Variants in MARCHF1 observed in about 807,000 individuals in gnomAD.
The protein encoded by MARCHF1 is E3 ubiquitin-protein ligase MARCHF1.
A neutral mutation model predicts 54.2 loss-of-function variants in MARCHF1; 40 were observed. The observed-to-expected ratio is 0.74, with a 90% confidence interval of 0.57 to 0.96. MARCHF1 has a LOEUF of 0.96. Among genes scored for constraint, MARCHF1 ranks in the 40% least tolerant of loss-of-function variants. The pLI is 0.00. For synonymous variants in MARCHF1, 236 were observed against 236.3 expected (o/e 1.00, Z 0.01); for missense variants, 586 against 656.5 (o/e 0.89, Z 1.17).
chr4:163,874,123 A>T (rs1362627471), intron 3 of MARCHF1, among the ~76,000 whole-genome samples: 2 of 152,220 alleles, frequency 1.3e-5, no homozygotes, highest in Non-Finnish European at 2.9e-5. Flanking sequence ...AGCAAAAGAG[A>T]TAGAGGCACT....
intron 3 of MARCHF1, among the ~76,000 whole-genome samples, chr4:163,925,429 A>C (rs1252631158): frequency 6.6e-6 from 1 of 151,846 alleles, no homozygotes; most frequent in Non-Finnish European, 1.5e-5. Context: ...CTCTAGCTTT[A>C]ATTACTGTTA....
chr4:163,953,892 G>T (rs2110789932), intron 3 of MARCHF1, among the ~76,000 whole-genome samples: 1 of 152,246 alleles, frequency 6.6e-6, no homozygotes. Flanking sequence ...AAGGGTGAAT[G>T]AGACACAGAA....
At chr4:163,617,019 A>G (rs1358807683) in intron 5 of MARCHF1, among the ~76,000 whole-genome samples, 1 of 152,180 alleles carries the variant, frequency 6.6e-6, no homozygotes, top group African/African-American at 2.4e-5. Context: ...GGTCATCAGC[A>G]GATGAATGGA....
intron 1 of MARCHF1, chr4:164,188,518 C>A: frequency 1.4e-6 from 1 of 699,532 alleles, no homozygotes. Flanking sequence ...TGTTCAAGAC[C>A]GGCTGCGTGG....
intron 1 of MARCHF1, among the ~76,000 whole-genome samples, chr4:164,246,849 A>G (rs983621237): frequency 1.5e-5 from 2 of 130,270 alleles, no homozygotes; most frequent in Non-Finnish European, 1.6e-5. Context: ...CAAAAAACAC[A>G]TGAAAAAATG....
chr4:163,630,563 A>ATC (rs1396395594), intron 5 of MARCHF1, among the ~76,000 whole-genome samples: 1 of 152,222 alleles, frequency 6.6e-6, no homozygotes, highest in African/African-American at 2.4e-5. Flanking sequence ...CTATTGTCCT[A>ATC]TCCATTCTAC....
chr4:163,708,022 C>T (rs951612623), intron 4 of MARCHF1, among the ~76,000 whole-genome samples: 1 of 151,800 alleles, frequency 6.6e-6, no homozygotes, highest in South Asian at 2.1e-4. Flanking sequence ...TTTGCTCCAT[C>T]TATTTGATTT....
intron 2 of MARCHF1, among the ~76,000 whole-genome samples, chr4:164,007,730 A>T (rs1399410764): frequency 6.6e-6 from 1 of 151,576 alleles, no homozygotes; most frequent in Non-Finnish European, 1.5e-5. Context: ...GTGATCTAAG[A>T]TAAGTTGTCA....
At chr4:163,598,896 T>G (rs1008500820) in intron 7 of MARCHF1, among the ~76,000 whole-genome samples, 4 of 152,242 alleles carry the variant, frequency 2.6e-5, no homozygotes, top group African/African-American at 9.6e-5. Flanking sequence ...TTTAAACTTT[T>G]CGACTCTTTT....
At position 163,867,255 on chromosome 4, in the gene MARCHF1, T is replaced by G. The variant is rs1346818936; in HGVS notation, c.-38-13086A>C. Among the ~76,000 whole-genome samples the G allele has an allele frequency of 2.6e-5, 4 of 151,910 alleles. No homozygotes were observed. The East Asian group carries it at 7.7e-4, about 29-fold the overall frequency. On this transcript the variant is annotated intron_variant, in intron 3 of 9. Coordinates refer to ENST00000514618, the MANE Select transcript of MARCHF1 (RefSeq NM_001394959.1). ...AATCCCTCTCTTCCTTCTTCATCCA[T>G]TTTTTAAACTATGATATTTACATAA...
chr4:163,646,355 C>A (rs1326723719), intron 5 of MARCHF1, among the ~76,000 whole-genome samples: 2 of 151,934 alleles, frequency 1.3e-5, no homozygotes, highest in African/African-American at 2.4e-5. Flanking sequence ...GTGTTCATTA[C>A]CATTATATTT....
chr4:164,238,067 A>C (rs1009693694), intron 1 of MARCHF1, among the ~76,000 whole-genome samples: 4 of 152,108 alleles, frequency 2.6e-5, no homozygotes, highest in Non-Finnish European at 4.4e-5. Flanking sequence ...CACTAAAAGG[A>C]AATACTCCAT....
At chr4:164,175,310 G>T (rs918347499) in intron 1 of MARCHF1, among the ~76,000 whole-genome samples, 1 of 152,088 alleles carries the variant, frequency 6.6e-6, no homozygotes, top group Non-Finnish European at 1.5e-5. Flanking sequence ...AGCCTTCAGG[G>T]TATAAATCTA....
chr4:164,089,168 C>T (rs757048045), intron 2 of MARCHF1, among the ~76,000 whole-genome samples: 28 of 152,026 alleles, frequency 1.8e-4, no homozygotes, highest in African/African-American at 3.1e-4. Context: ...GTATTTTTCT[C>T]GAGAAAGAAT....
At chr4:163,637,557 C>A (rs1451883547) in intron 5 of MARCHF1, among the ~76,000 whole-genome samples, 1 of 151,602 alleles carries the variant, frequency 6.6e-6, no homozygotes, top group Non-Finnish European at 1.5e-5. Context: ...CATCTCACAC[C>A]AGTTAGAATG....
intron 1 of MARCHF1, among the ~76,000 whole-genome samples, chr4:164,185,552 C>A (rs1055045578): frequency 8.6e-5 from 13 of 152,032 alleles, no homozygotes; most frequent in African/African-American, 3.1e-4. Context: ...TGTTGAAGAG[C>A]AATATATTTC....
At chr4:163,735,529 G>C (rs1038900432) in intron 4 of MARCHF1, among the ~76,000 whole-genome samples, 2 of 152,174 alleles carry the variant, frequency 1.3e-5, no homozygotes, top group African/African-American at 4.8e-5. Context: ...AGTTAAAGAG[G>C]CTAGGAAGTC....
intron 5 of MARCHF1, among the ~76,000 whole-genome samples, chr4:163,686,758 T>C (rs987059184): frequency 2.6e-5 from 4 of 152,084 alleles, no homozygotes; most frequent in African/African-American, 7.2e-5. Context: ...AAAAATGTTC[T>C]TTTAAACAGT....
chr4:164,196,399 TAATA>T (rs1456121629), intron 1 of MARCHF1, among the ~76,000 whole-genome samples: 1 of 151,562 alleles, frequency 6.6e-6, no homozygotes. Context: ...ATCATTGTTT[TAATA>T]AATAAAATCA....
Sources: gnomAD v4.1 joint callset for allele counts (sites outside exome capture counted in the v4.1 genomes callset) on GRCh38, gnomAD v4.1.1 for gene constraint, MANE v1.5 for transcripts, NCBI Gene and HGNC (gene_info 2026-07-23, HGNC 2026-07-21) for gene names.